Variants in RGL1 observed in about 807,000 individuals in gnomAD.
RGL1 encodes the protein ral guanine nucleotide dissociation stimulator like 1.
Under a neutral mutation model 95.2 loss-of-function variants are expected in RGL1, and 24 were observed. The observed-to-expected ratio is 0.25, with a 90% confidence interval of 0.18 to 0.35. The LOEUF is 0.35. RGL1 is among the 10% of genes least tolerant of loss of function. RGL1 has a pLI of 1.00. For synonymous variants in RGL1, 329 were observed against 344.9 expected (o/e 0.95, Z 0.51); for missense variants, 715 against 936.3 (o/e 0.76, Z 3.08).
chr1:183,757,181 T>C (rs1163078478), intron 2 of RGL1, among the ~76,000 whole-genome samples: 1 of 152,242 alleles, frequency 6.6e-6, no homozygotes, highest in South Asian at 2.1e-4. Context: ...AACTGGCGAA[T>C]GTCTGTATGG....
intron 1 of RGL1, among the ~76,000 whole-genome samples, chr1:183,737,202 A>T (rs1332690465): frequency 1.3e-5 from 2 of 152,216 alleles, no homozygotes; most frequent in South Asian, 2.1e-4. Context: ...GCAAGAACAG[A>T]CACTAATAAT....
intron 2 of RGL1, among the ~76,000 whole-genome samples, chr1:183,788,688 A>T (rs1306562740): frequency 6.6e-6 from 1 of 152,230 alleles, no homozygotes; most frequent in African/African-American, 2.4e-5. Context: ...GGATTATGGG[A>T]TTACATAAAA....
chr1:183,805,194 C>T lies in RGL1; in HGVS notation c.-104C>T, dbSNP rs1572433201. The T allele has an allele frequency of 8.0e-6, 12 of 1,500,840 alleles. No individual in the cohort carries two copies. Among genetic ancestry groups the T allele is most frequent in the East Asian group, 5.2e-5 (2 of 38,216 alleles). 93.0% of individuals were successfully genotyped at this position (1,500,840 alleles called of 1,614,324 possible). ...TCTGTGCGCTGCGGTCGCTCGGGAC[C>T]GGGACCGGGGCGAGGCGCCGCGGGG... On this transcript the variant is annotated 5_prime_UTR_variant, in exon 1 of 18. Coordinates refer to ENST00000360851, the MANE Select transcript of RGL1 (RefSeq NM_001297671.3).
intron 5 of RGL1, among the ~76,000 whole-genome samples, chr1:183,881,720 C>T (rs1666836981): frequency 6.6e-6 from 1 of 152,246 alleles, no homozygotes; most frequent in African/African-American, 2.4e-5. Flanking sequence ...CCAAACAATA[C>T]CTGCTGAATT....
chr1:183,888,575 A>C lies in RGL1; in HGVS notation c.1053A>C (p.Pro351=). The change falls in exon 8 of 18, where the codon CCA becomes CCC. Residue 351 remains proline (P), a splice_region_variant and synonymous_variant. Coordinates refer to ENST00000360851, the MANE Select transcript of RGL1 (RefSeq NM_001297671.3). The stretch of plus-strand genomic sequence containing the variant: ...TAAAAAAGACTTGGGCTGCCGTCCC[A>C]AGGTAAGTTCCCAAGTGTTTGCTCT... ...YRLKKTWAAV[P]RDRMLMFEEL... The C allele has an allele frequency of 6.2e-7, 1 of 1,602,276 alleles. No homozygotes were observed. The highest frequency in any genetic ancestry group is 8.6e-7 in the Non-Finnish European group (1 of 1,169,348).
chr1:183,660,379 C>G (rs143281471), intron 1 of RGL1, among the ~76,000 whole-genome samples: 9,968 of 148,186 alleles, frequency 0.067, 622 homozygotes, highest in African/African-American at 0.17. Context: ...CAAGCAAATG[C>G]AAAACACAAA....
chr1:183,706,562 G>A (rs967810049), intron 1 of RGL1, among the ~76,000 whole-genome samples: 10 of 152,192 alleles, frequency 6.6e-5, no homozygotes, highest in Non-Finnish European at 1.0e-4. Context: ...CTCACAGTCT[G>A]ACTTCCAGTT....
At chr1:183,850,573 A>T (rs1164184231) in intron 3 of RGL1, among the ~76,000 whole-genome samples, 1 of 152,184 alleles carries the variant, frequency 6.6e-6, no homozygotes, top group Non-Finnish European at 1.5e-5. Context: ...TTTGTCATAC[A>T]TTGATCTGGA....
At chr1:183,736,688 G>A (rs1656959353) in intron 1 of RGL1, among the ~76,000 whole-genome samples, 1 of 152,160 alleles carries the variant, frequency 6.6e-6, no homozygotes, top group African/African-American at 2.4e-5. Flanking sequence ...GAAAGAAATG[G>A]CAGAAAGACA....
At chr1:183,835,577 T>C (rs1663591161) in intron 2 of RGL1, among the ~76,000 whole-genome samples, 1 of 152,170 alleles carries the variant, frequency 6.6e-6, no homozygotes, top group Non-Finnish European at 1.5e-5. Flanking sequence ...TAAGAAACTA[T>C]AATAATGAGA....
chr1:183,648,113 C>T (rs202103930), intron 1 of RGL1: 34 of 1,614,072 alleles, frequency 2.1e-5, no homozygotes, highest in Non-Finnish European at 2.8e-5. Flanking sequence ...ATGCGTTGTG[C>T]CTGTCAGCCA....
chr1:183,680,414 A>G (rs1453150012), intron 1 of RGL1, among the ~76,000 whole-genome samples: 2 of 152,140 alleles, frequency 1.3e-5, no homozygotes, highest in African/African-American at 2.4e-5. Flanking sequence ...GAAGGGGCCC[A>G]GTTTCAGTTT....
intron 1 of RGL1, chr1:183,648,474 C>T (rs867277632): frequency 6.2e-7 from 1 of 1,614,168 alleles, no homozygotes; most frequent in East Asian, 2.2e-5. Context: ...GTCAAGATAA[C>T]CATTCATTTC....
chr1:183,846,916 A>G (rs969337071), intron 2 of RGL1, among the ~76,000 whole-genome samples: 1 of 152,138 alleles, frequency 6.6e-6, no homozygotes, highest in African/African-American at 2.4e-5. Context: ...TCCATGGAAC[A>G]AAACAAAGGG....
At chr1:183,671,568 C>A (rs1450617041) in intron 1 of RGL1, among the ~76,000 whole-genome samples, 1 of 152,060 alleles carries the variant, frequency 6.6e-6, no homozygotes, top group Non-Finnish European at 1.5e-5. Context: ...TGCCATTTGA[C>A]AGAAAGGGAA....
In RGL1 at chr1:183,773,117, T is replaced by C. The variant is rs1220551501; in HGVS notation, c.132+30828T>C. ...ATTGTTCTCTCACAACACCTAGCTC[T>C]TACTCATCCTTCAGACTCTGGAAAT... On this transcript the variant is annotated intron_variant, in intron 2 of 18. Coordinates refer to the RGL1 transcript ENST00000304685. 2.6e-5 allele frequency among the ~76,000 whole-genome samples: 4 copies of C among 151,840 alleles called. No individual in the cohort carries two copies. In the East Asian group the frequency reaches 7.7e-4, roughly 29 times the overall value.
At chr1:183,902,713 C>T (rs576900602) in intron 12 of RGL1, 113 bp downstream of exon 12, 24 of 920,638 alleles carry the variant, frequency 2.6e-5, no homozygotes, top group Middle Eastern at 4.7e-4. Context: ...ACCTACTGAA[C>T]GTTTATCATA....
At chr1:183,794,055 G>GACACACACACACACAC (rs147087444) in intron 2 of RGL1, among the ~76,000 whole-genome samples, 1 of 145,916 alleles carries the variant, frequency 6.9e-6, no homozygotes, top group Non-Finnish European at 1.5e-5. Context: ...AGAAAATGTG[G>GACACACACACACACAC]ACACACACAC....
At chr1:183,863,494 C>T (rs1313439987) in intron 3 of RGL1, among the ~76,000 whole-genome samples, 1 of 151,854 alleles carries the variant, frequency 6.6e-6, no homozygotes, top group East Asian at 1.9e-4. Flanking sequence ...TTGAGTGGAG[C>T]AGTGACATGA....
Sources: gnomAD v4.1 joint callset for allele counts (sites outside exome capture counted in the v4.1 genomes callset) on GRCh38, gnomAD v4.1.1 for gene constraint, MANE v1.5 for transcripts, NCBI Gene and HGNC (gene_info 2026-07-23, HGNC 2026-07-21) for gene names.